EXD3: variants seen among roughly 807,000 people sequenced by gnomAD.
The protein encoded by EXD3 is exonuclease mut-7 homolog.
In EXD3, 92 loss-of-function variants were observed where a neutral mutation model predicts 98.0. The observed-to-expected ratio is 0.94, with a 90% CI of 0.79 to 1.12. The LOEUF is 1.12. Ranked by LOEUF, EXD3 falls within the 50% of genes most tolerant of loss-of-function variation. EXD3 has a pLI of 0.00. For missense variants in EXD3, 1,222 were observed against 1,191.6 expected, an observed-to-expected ratio of 1.03 and a Z score of -0.38; for synonymous variants, 569 against 526.0, an observed-to-expected ratio of 1.08 and a Z score of -1.12.
chr9:137,393,678 G>A lies in EXD3; in HGVS notation c.55+1625C>T, dbSNP rs1837058213. On this transcript the variant is annotated intron_variant, in intron 2 of 21. Transcript: ENST00000340951. This position sits in a 1 kb window ranked among gnomAD's most constrained non-coding sequence, Gnocchi z 4.6. ...CCGAGGAGGCAACTGCGTGGGATAG[G>A]GAAACTGAGGCAGAGAGCCTCAGCT... 6.6e-6 allele frequency among the ~76,000 whole-genome samples: 1 copy of A among 152,216 alleles called. No homozygotes were observed. The highest frequency in any genetic ancestry group is 2.4e-5 in the African/African-American group (1 of 41,456).
intron 2 of EXD3, among the ~76,000 whole-genome samples, chr9:137,383,623 C>T (rs148203847): frequency 2.0e-5 from 3 of 152,244 alleles, no homozygotes; most frequent in African/African-American, 7.2e-5. Context: ...AGCAGCACTT[C>T]AACCACGCTC....
chr9:137,320,083 G>C (rs975985795), intron 19 of EXD3, among the ~76,000 whole-genome samples: 6 of 152,224 alleles, frequency 3.9e-5, no homozygotes, highest in African/African-American at 1.2e-4. Flanking sequence ...TCCCAGGCCG[G>C]GGCGGGCAGG....
intron 19 of EXD3, among the ~76,000 whole-genome samples, chr9:137,318,250 C>A (rs1253749600): frequency 2.0e-5 from 3 of 152,152 alleles, no homozygotes; most frequent in Non-Finnish European, 4.4e-5. Context: ...TGGGGTCCAC[C>A]ACCCTCCCCA....
intron 1 of EXD3, among the ~76,000 whole-genome samples, chr9:137,411,424 TCC>T (rs1837993031): frequency 6.6e-6 from 1 of 151,744 alleles, no homozygotes; most frequent in Admixed American, 6.6e-5. Context: ...CCCGGCGGCC[TCC>T]CAGGGAGCCT....
At chr9:137,321,079 G>C (rs1460024095) in intron 19 of EXD3, among the ~76,000 whole-genome samples, 1 of 152,246 alleles carries the variant, frequency 6.6e-6, no homozygotes, top group Admixed American at 6.5e-5. Flanking sequence ...GCCAGGGGCA[G>C]TGGGAGGTCC....
chr9:137,371,575 C>A lies in EXD3; in HGVS notation c.462+1330G>T, dbSNP rs374855430. Among the ~76,000 whole-genome samples, 1 of 152,020 alleles carries A rather than the reference C, an allele frequency of 6.6e-6. No homozygotes were observed. The highest frequency in any genetic ancestry group is 1.5e-5 in the Non-Finnish European group (1 of 67,932). On this transcript the variant is annotated intron_variant, in intron 5 of 21. Transcript: ENST00000340951. This position sits in a 1 kb window ranked among gnomAD's most constrained non-coding sequence, Gnocchi z 8.0. ...GCAGCGGGGTGGTGGCCTTCACGCT[C>A]GGCCCTGAAGTAAGGGGGCCCTAAT...
intron 1 of EXD3, among the ~76,000 whole-genome samples, chr9:137,412,236 G>T (rs1838039036): frequency 1.3e-5 from 2 of 152,190 alleles, no homozygotes; most frequent in African/African-American, 4.8e-5. Context: ...AGGCCTCCAA[G>T]GCCTGTCCCC....
chr9:137,313,089 A>C (rs1371866337), intron 19 of EXD3, among the ~76,000 whole-genome samples: 5 of 152,030 alleles, frequency 3.3e-5, no homozygotes, highest in African/African-American at 9.7e-5. Flanking sequence ...CCCTGCACAC[A>C]ACACCCTTGG....
chr9:137,352,856 C>A (rs1834382629), intron 10 of EXD3, 70 bp from the exon 11 acceptor site: 2 of 1,499,614 alleles, frequency 1.3e-6, no homozygotes, highest in Non-Finnish European at 1.8e-6. Flanking sequence ...CCCCGAGGGA[C>A]CCCCGTAGAC....
At chr9:137,384,613 A>T (rs938751121) in intron 2 of EXD3, among the ~76,000 whole-genome samples, 1 of 152,244 alleles carries the variant, frequency 6.6e-6, no homozygotes, top group Non-Finnish European at 1.5e-5. Context: ...GGACCGGCCG[A>T]CAATGTGATT....
At chr9:137,367,744 C>T (rs919874702) in intron 6 of EXD3, 192 bp downstream of exon 6, 32 of 570,128 alleles carry the variant, frequency 5.6e-5, no homozygotes, top group Admixed American at 9.0e-5. Context: ...CGTGCGGCTG[C>T]GTCTGATTTG....
At chr9:137,391,861 G>T (rs1420632275) in intron 2 of EXD3, 2 of 152,250 alleles carry the variant, frequency 1.3e-5, no homozygotes, top group African/African-American at 4.8e-5. Flanking sequence ...TGTTCCCCAG[G>T]CTGGAGTGCA....
rs541459552 is a variant in EXD3, at chr9:137,405,152, C to T, written c.-47-9748G>A. Among the ~76,000 whole-genome samples the T allele has an allele frequency of 4.6e-5, 7 of 152,320 alleles. No homozygotes were observed. In the East Asian group the frequency reaches 1.3e-3, roughly 29 times the overall value. ...CCCAGGGCCTCTGCCAGCGGGTGTCCAAAGACCCTACTTGGGAGCCCCGCA... is the reference window on the plus strand; with the variant it reads ...CCCAGGGCCTCTGCCAGCGGGTGTCTAAAGACCCTACTTGGGAGCCCCGCA... On this transcript the variant is annotated intron_variant, in intron 1 of 21. Coordinates refer to ENST00000340951, the MANE Select transcript of EXD3 (RefSeq NM_017820.5). This position sits in a 1 kb window ranked among gnomAD's most constrained non-coding sequence, Gnocchi z 4.1.
At chr9:137,417,456 G>A (rs888340761) in intron 1 of EXD3, among the ~76,000 whole-genome samples, 10 of 152,166 alleles carry the variant, frequency 6.6e-5, no homozygotes, top group Admixed American at 5.2e-4. Context: ...CGGAGCCAAC[G>A]GCGCGAGGGG....
intron 17 of EXD3, among the ~76,000 whole-genome samples, chr9:137,334,907 C>A (rs560509930): frequency 5.9e-5 from 9 of 151,890 alleles, no homozygotes; most frequent in Non-Finnish European, 1.2e-4. Flanking sequence ...GAAACCCCAT[C>A]TCTACTAAAA....
At chr9:137,325,065 T>C (rs1564473028) in intron 17 of EXD3, among the ~76,000 whole-genome samples, 1 of 152,170 alleles carries the variant, frequency 6.6e-6, no homozygotes, top group Non-Finnish European at 1.5e-5. Flanking sequence ...TTCTGATGTA[T>C]GTTATATATA....
At chr9:137,340,005 T>C (rs1196698851) in intron 17 of EXD3, among the ~76,000 whole-genome samples, 2 of 152,136 alleles carry the variant, frequency 1.3e-5, no homozygotes, top group African/African-American at 4.8e-5. Flanking sequence ...ACCAATTCAG[T>C]AAGAGCCAGG....
Position 137,403,143 on chromosome 9 carries a change from G to A in EXD3, c.-47-7739C>T, listed in dbSNP as rs1040975026. 9.2e-5 allele frequency among the ~76,000 whole-genome samples: 14 copies of A among 151,890 alleles called. No individual in the cohort carries two copies. Among genetic ancestry groups the A allele is most frequent in the Non-Finnish European group, 1.9e-4 (13 of 67,994 alleles). ...GCTCATTTCCTGCAGGATCCCCGGC[G>A]CTGACCCCTCTCCCCTCCATGGCAG... On this transcript the variant is annotated intron_variant, in intron 1 of 21. Coordinates refer to ENST00000340951, the MANE Select transcript of EXD3 (RefSeq NM_017820.5). The surrounding 1 kb of genome is among the most constrained non-coding windows in gnomAD (Gnocchi z 6.1).
intron 1 of EXD3, among the ~76,000 whole-genome samples, chr9:137,404,337 G>T (rs1054247584): frequency 1.3e-5 from 2 of 152,106 alleles, no homozygotes; most frequent in Non-Finnish European, 2.9e-5. Context: ...AGCCCACAAG[G>T]CCTCTGCACA....
Sources: gnomAD v4.1 joint callset for allele counts (sites outside exome capture counted in the v4.1 genomes callset) on GRCh38, gnomAD v4.1.1 for gene constraint, Gnocchi (gnomAD v3.1) non-coding constraint, MANE v1.5 for transcripts, NCBI Gene and HGNC (gene_info 2026-07-23, HGNC 2026-07-21) for gene names.